Variants in RIMBP2 observed in about 807,000 individuals in gnomAD.
RIMBP2 encodes RIMS binding protein 2, also known as RIMS-binding protein 2.
A neutral mutation model predicts 118.6 loss-of-function variants in RIMBP2; 48 were observed. The observed-to-expected ratio is 0.40, with a 90% confidence interval of 0.32 to 0.51. The LOEUF is 0.51. Ranked by LOEUF, RIMBP2 falls within the 20% of genes least tolerant of loss-of-function variation. RIMBP2 has a pLI of 0.41. For missense variants in RIMBP2, 1,551 were observed against 1,768.3 expected (o/e 0.88, Z 2.20); for synonymous variants, 762 against 742.9 (o/e 1.03, Z -0.42).
intron 2 of RIMBP2, among the ~76,000 whole-genome samples, chr12:130,598,769 T>C (rs940977655): frequency 2.6e-5 from 4 of 151,658 alleles, no homozygotes; most frequent in African/African-American, 7.3e-5. Flanking sequence ...TAAGGCTTAC[T>C]ATAAAGCCAC....
chr12:130,565,787 A>T (rs2057176274), intron 2 of RIMBP2, among the ~76,000 whole-genome samples: 1 of 152,238 alleles, frequency 6.6e-6, no homozygotes. Flanking sequence ...GATATGAAAA[A>T]CACTGTTAAC....
intron 2 of RIMBP2, among the ~76,000 whole-genome samples, chr12:130,599,069 A>C (rs1355564118): frequency 1.3e-5 from 2 of 152,238 alleles, no homozygotes; most frequent in African/African-American, 2.4e-5. Flanking sequence ...TTTTCCAAAA[A>C]TGGTGATGGA....
At chr12:130,567,697 G>T (rs550925201) in intron 2 of RIMBP2, among the ~76,000 whole-genome samples, 213 of 152,292 alleles carry the variant, frequency 1.4e-3, no homozygotes, top group Middle Eastern at 0.01. Flanking sequence ...CAGCCACAGC[G>T]GCCAACACCC....
chr12:130,406,833 G>C (rs2075225335), intron 20 of RIMBP2, among the ~76,000 whole-genome samples: 1 of 152,182 alleles, frequency 6.6e-6, no homozygotes, highest in Non-Finnish European at 1.5e-5. Flanking sequence ...TTTTTATAGA[G>C]ATGTGGTTTT....
chr12:130,438,335 A>ACCCACCCCCCCCC, intron 12 of RIMBP2, 30 bp downstream of exon 12: 1 of 864,988 alleles, frequency 1.2e-6, no homozygotes, highest in East Asian at 2.8e-5. Context: ...GGCCTAACAA[A>ACCCACCCCCCCCC]CCCTCCCCAC....
intron 2 of RIMBP2, among the ~76,000 whole-genome samples, chr12:130,604,939 T>C (rs1363217273): frequency 6.6e-6 from 1 of 151,946 alleles, no homozygotes; most frequent in East Asian, 1.9e-4. Context: ...GGTTTAGATA[T>C]GTTCAGATAG....
At chr12:130,470,595 G>A (rs1296917855) in intron 6 of RIMBP2, 98 bp downstream of exon 6, 6 of 617,326 alleles carry the variant, frequency 9.7e-6, no homozygotes, top group African/African-American at 3.8e-5. Flanking sequence ...TGCACCAGGC[G>A]CACTTCATAA....
rs115186760 is a variant in RIMBP2, at chr12:130,579,339, C to T, written c.-217+48983G>A. On this transcript the variant is annotated intron_variant, in intron 2 of 22. Coordinates refer to ENST00000690449, the MANE Select transcript of RIMBP2 (RefSeq NM_001393629.1). ...TTGGTACATGCTGGGCAGAGGGTGC[C>T]GACGTGACCAGTCCTCAGTAAAAAC... Among the ~76,000 whole-genome samples the T allele has an allele frequency of 7.0e-3, 1,061 of 152,192 alleles. 20 individuals are homozygous for T. The highest frequency in any genetic ancestry group is 0.024 in the African/African-American group (1,010 of 41,538).
At chr12:130,641,453 C>T (rs1268846702) in intron 1 of RIMBP2, among the ~76,000 whole-genome samples, 2 of 149,646 alleles carry the variant, frequency 1.3e-5, no homozygotes, top group Non-Finnish European at 3.0e-5. Context: ...GCCGGACACT[C>T]GGCCCGGCAT....
At chr12:130,544,363 G>C (rs1337230747) in intron 2 of RIMBP2, among the ~76,000 whole-genome samples, 2 of 152,210 alleles carry the variant, frequency 1.3e-5, no homozygotes, top group Non-Finnish European at 2.9e-5. Context: ...GGATTGGTCA[G>C]CTGGTCCAGG....
At position 130,617,262 on chromosome 12, in the gene RIMBP2, G is replaced by A. The variant is rs539271990; in HGVS notation, c.-217+11060C>T. Among the ~76,000 whole-genome samples, 71 of 146,860 alleles carry A rather than the reference G, an allele frequency of 4.8e-4. No individual in the cohort carries two copies. The highest frequency in any genetic ancestry group is 9.4e-4 in the Non-Finnish European group (63 of 66,898). ...TTAGGGAACTAGAGCCCAGGCCCAC[G>A]CCCTGCAGCTGGGAGCTGCTGGACC... On this transcript the variant is annotated intron_variant, in intron 2 of 22. Coordinates refer to ENST00000690449, the MANE Select transcript of RIMBP2 (RefSeq NM_001393629.1). The surrounding 1 kb of genome is among the most constrained non-coding windows in gnomAD (Gnocchi z 4.6).
chr12:130,595,263 TA>T (rs2059485055), intron 2 of RIMBP2, among the ~76,000 whole-genome samples: 1 of 152,088 alleles, frequency 6.6e-6, no homozygotes, highest in South Asian at 2.1e-4. Context: ...CTCAGACTAT[TA>T]AAACTTCATC....
rs1165316095 is a variant in RIMBP2 at position 130,622,590 on chromosome 12, A to G, written c.-217+5732T>C. On this transcript the variant is annotated intron_variant, in intron 2 of 22. Coordinates refer to ENST00000690449, the MANE Select transcript of RIMBP2 (RefSeq NM_001393629.1). This position sits in a 1 kb window ranked among gnomAD's most constrained non-coding sequence, Gnocchi z 8.5. ...CGATCCTCCCACCTTTGCCTCCCAC[A>G]GTGCTGGGAATACAGAAATGAGCCA... Among the ~76,000 whole-genome samples, 1 of 152,084 alleles carries G rather than the reference A, an allele frequency of 6.6e-6. No homozygotes were observed. Among genetic ancestry groups the G allele is most frequent in the Non-Finnish European group, 1.5e-5 (1 of 68,010 alleles).
chr12:130,438,335 A>ACCGGGCCCCCCCCCCC, intron 12 of RIMBP2, 30 bp downstream of exon 12: 1 of 865,012 alleles, frequency 1.2e-6, no homozygotes, highest in East Asian at 2.8e-5. Flanking sequence ...GGCCTAACAA[A>ACCGGGCCCCCCCCCCC]CCCTCCCCAC....
At position 130,414,207 on chromosome 12, in the gene RIMBP2, A is replaced by G; in HGVS notation, c.3338T>C (p.Phe1113Ser). 6.2e-7 allele frequency: 1 copy of G among 1,614,198 alleles called. No homozygotes were observed. Among genetic ancestry groups the G allele is most frequent in the Non-Finnish European group, 8.5e-7 (1 of 1,180,020 alleles). ...ELPARIFVAL[F>S]DYDPLTMSPN... ...GGACATGGTGAGCGGGTCGTAGTCA[A>G]AGAGAGCCACAAAGATCCGGGCCGG... Residue 1113 changes from phenylalanine to serine, a missense_variant, in exon 18 of 23, where the codon TTT becomes TCT. This residue lies in a region of RIMBP2 where 1,038 missense variants were observed against 1,125.1 expected (regional missense o/e 0.92). Transcript: ENST00000690449.
In RIMBP2 at chr12:130,469,877, C is replaced by A. The variant is rs954579160; in HGVS notation, c.153+816G>T. ...CTCCTTGAGGGGGTGGTGAATTACACGATCCTTGACTTCGGCAGGTGGGGG... is the reference window on the plus strand; with the variant it reads ...CTCCTTGAGGGGGTGGTGAATTACAAGATCCTTGACTTCGGCAGGTGGGGG... On this transcript the variant is annotated intron_variant, in intron 6 of 22. Transcript: ENST00000690449. This position sits in a 1 kb window ranked among gnomAD's most constrained non-coding sequence, Gnocchi z 4.8. Among the ~76,000 whole-genome samples the A allele has an allele frequency of 5.9e-5, 9 of 152,190 alleles. No homozygotes were observed. Among genetic ancestry groups the A allele is most frequent in the African/African-American group, 2.2e-4 (9 of 41,442 alleles).
At position 130,446,184 on chromosome 12, in the gene RIMBP2, A is replaced by G. The variant is rs1466125975; in HGVS notation, c.582-915T>C. 2.6e-5 allele frequency among the ~76,000 whole-genome samples: 4 copies of G among 152,220 alleles called. No individual in the cohort carries two copies. Among genetic ancestry groups the G allele is most frequent in the Admixed American group, 1.3e-4 (2 of 15,278 alleles). Reference sequence around the variant, plus strand: ...TAAATAAAAGGCAAATTAACTTAAAATAACAGCGAAGAACTCATTAAAAAA... The same window carrying G: ...TAAATAAAAGGCAAATTAACTTAAAGTAACAGCGAAGAACTCATTAAAAAA... On this transcript the variant is annotated intron_variant, in intron 9 of 22. Coordinates refer to ENST00000690449, the MANE Select transcript of RIMBP2 (RefSeq NM_001393629.1). The surrounding 1 kb of genome is among the most constrained non-coding windows in gnomAD (Gnocchi z 4.1).
chr12:130,604,136 T>C (rs1340646275), intron 2 of RIMBP2, among the ~76,000 whole-genome samples: 1 of 152,112 alleles, frequency 6.6e-6, no homozygotes, highest in Non-Finnish European at 1.5e-5. Context: ...TGTGTCTTCA[T>C]TTTTAAAACA....
rs1451244045 is a variant in RIMBP2 at position 130,555,013 on chromosome 12, C to T, written c.-216-37096G>A. 7.9e-5 allele frequency among the ~76,000 whole-genome samples: 12 copies of T among 152,168 alleles called. No homozygotes were observed. In the East Asian group the frequency reaches 1.5e-3, roughly 20 times the overall value. On this transcript the variant is annotated intron_variant, in intron 2 of 22. Transcript: ENST00000690449. ...TGCTGTTCTAAACATTTTATAAACA[C>T]TAATTTATTCAAAGCTCAGAATAAC... is the stretch of plus-strand genomic sequence containing the variant.
Sources: allele counts gnomAD v4.1 joint callset (sites outside exome capture counted in the v4.1 genomes callset), GRCh38; gene constraint gnomAD v4.1.1; regional missense constraint gnomAD v4.1.1; non-coding constraint Gnocchi (gnomAD v3.1); transcripts MANE v1.5; gene names NCBI Gene and HGNC (gene_info 2026-07-23, HGNC 2026-07-21).